PLIN4: variants seen among roughly 807,000 people sequenced by gnomAD.
The protein encoded by PLIN4 is perilipin-4.
A neutral mutation model predicts 52.4 loss-of-function variants in PLIN4; 57 were observed. The ratio of observed to expected loss-of-function variants is 1.09; its 90% CI spans 0.88 to 1.36. The LOEUF is 1.36. PLIN4 is among the 40% of genes most tolerant of loss of function. The pLI, the probability that PLIN4 is intolerant of heterozygous loss-of-function variation, is 0.00. For missense variants in PLIN4, 1,757 were observed against 1,770.3 expected (o/e 0.99, Z 0.13); for synonymous variants, 826 against 785.4 (o/e 1.05, Z -0.86).
At chr19:4,509,939 C>T (rs1411563794) in intron 5 of PLIN4, among the ~76,000 whole-genome samples, 1 of 151,872 alleles carries the variant, frequency 6.6e-6, no homozygotes, top group East Asian at 1.9e-4. Context: ...GGGCCAGGTG[C>T]TCTCACGTGT....
In PLIN4 at chr19:4,504,652, C is replaced by T. The variant is rs1976032376; in HGVS notation, c.3923G>A (p.Ser1308Asn). The change falls in exon 8 of 8, where the codon AGC becomes AAC. Residue 1308 changes from serine (S) to asparagine (N), a missense_variant. By Grantham distance (46) the Ser-to-Asn change is conservative. Around this residue, in one of 7 missense-constraint regions of PLIN4, gnomAD observed 712 missense variants for 637.1 expected, o/e 1.12. Transcript: ENST00000301286. ...LQQPVGRARHSLCELYGIVAS... is the reference protein window; with the variant it reads ...LQQPVGRARHNLCELYGIVAS... The stretch of plus-strand genomic sequence containing the variant: ...CACGATGCCATAGAGCTCACAGAGG[C>T]TGTGCCGCGCCCGCCCCACTGGCTG... 6.2e-7 allele frequency: 1 copy of T among 1,603,114 alleles called. No homozygotes were observed. Among genetic ancestry groups the T allele is most frequent in the African/African-American group, 1.3e-5 (1 of 74,966 alleles).
In PLIN4 at chr19:4,512,161, G is replaced by A. The variant is rs200078542; in HGVS notation, c.1799C>T (p.Thr600Ile). The change falls in exon 5 of 8, where the codon ACA (threonine) becomes ATA (isoleucine). Residue 600 changes from threonine (T) to isoleucine (I), a missense_variant. Thr to Ile is a moderately conservative substitution (Grantham distance 89, BLOSUM62 -1). This residue lies in a region of PLIN4 where 439 missense variants were observed against 406.4 expected (regional missense o/e 1.08). Transcript: ENST00000301286. ...TGCCCCCACGAGCCCAGTAGTCACT[G>A]TGTCCTTGGTGCCGGTCAGCACGGT... ...AKTVLTGTKDTVTTGLVGAVN... is the reference protein window; with the variant it reads ...AKTVLTGTKDIVTTGLVGAVN... The A allele has an allele frequency of 4.5e-5, 72 of 1,610,912 alleles. No individual in the cohort carries two copies. The highest frequency in any genetic ancestry group is 5.8e-5 in the Non-Finnish European group (68 of 1,179,316).
chr19:4,518,461 A>G lies in PLIN4; in HGVS notation c.-94T>C. 8.2e-7 allele frequency: 1 copy of G among 1,221,762 alleles called. No homozygotes were observed. The highest frequency in any genetic ancestry group is 1.0e-6 in the Non-Finnish European group (1 of 982,080). The allele number at this position is 1,221,762 out of a possible 1,614,324, so 75.7% of individuals were successfully genotyped here. A position where few individuals can be genotyped will look rare whatever the true frequency, so the allele number is the denominator to read the frequency against. ...ACCTGGACTGCGCGGGGTCCCCTGGAGGACGGACCGGCCCGGCTGGCAGCT... is the reference window on the plus strand; with the variant it reads ...ACCTGGACTGCGCGGGGTCCCCTGGGGGACGGACCGGCCCGGCTGGCAGCT... On this transcript the variant is annotated 5_prime_UTR_variant, in exon 1 of 8. Coordinates refer to ENST00000301286, the MANE Select transcript of PLIN4 (RefSeq NM_001367868.2).
chr19:4,516,941 CCT>C (rs1437963994), intron 3 of PLIN4, among the ~76,000 whole-genome samples: 2 of 152,206 alleles, frequency 1.3e-5, no homozygotes, highest in African/African-American at 2.4e-5. Flanking sequence ...GGACACCCAC[CCT>C]GAGTCCCGGG....
rs750754946 is a variant in PLIN4, at chr19:4,513,337, C to G, written c.623G>C (p.Gly208Ala). The G allele has an allele frequency of 6.2e-7, 1 of 1,613,662 alleles. No homozygotes were observed. Residue 208 changes from glycine (G) to alanine (A), a missense_variant, in exon 5 of 8, where the codon GGG (glycine) becomes GCG (alanine). Coordinates refer to ENST00000301286, the MANE Select transcript of PLIN4 (RefSeq NM_001367868.2). The part of the protein sequence containing the change: ...LTGTKDTVTT[G>A]VMGAVNLAKG... ...GGCCAAGTTCACTGCCCCCATGACC[C>G]CAGTAGTCACTGTGTCTTTGGTGCC...
Position 4,508,005 on chromosome 19 carries a change from C to T in PLIN4, c.3702+763G>A, listed in dbSNP as rs935590868. ...TCATGTTGCGTTGGGTCCTTTCCTG[C>T]GTGCGTTGCAGCCCCAGGCCCTGCG... On this transcript the variant is annotated intron_variant, in intron 6 of 7. Transcript: ENST00000301286. Among the ~76,000 whole-genome samples, 11 of 152,164 alleles carry T rather than the reference C, an allele frequency of 7.2e-5. No homozygotes were observed. In the East Asian group the frequency reaches 1.7e-3, roughly 24 times the overall value.
rs1001547646 is a variant in PLIN4 at position 4,503,568 on chromosome 19, C to T, written c.*891G>A. The T allele has an allele frequency of 2.6e-5, 4 of 152,406 alleles. No homozygotes were observed. The highest frequency in any genetic ancestry group is 9.6e-5 in the African/African-American group (4 of 41,458). The allele number at this position is 152,406 out of a possible 1,614,324, so 9.4% of individuals were successfully genotyped here. Reference sequence around the variant, plus strand: ...CCTCTGTGGCTGTTCCCAGCCCTGTCTGATCCCTCCATAGGGCACAGTTCC... The same window carrying T: ...CCTCTGTGGCTGTTCCCAGCCCTGTTTGATCCCTCCATAGGGCACAGTTCC... On this transcript the variant is annotated 3_prime_UTR_variant, in exon 8 of 8. Coordinates refer to ENST00000301286, the MANE Select transcript of PLIN4 (RefSeq NM_001367868.2).
Position 4,513,457 on chromosome 19 carries a change from G to C in PLIN4, c.503C>G (p.Thr168Ser). ...GAGCCCAGTGGACACCGTGTCCTTG[G>C]TGCCGGTGAGGACAGCCTTCGAGGT... ...LDTSKAVLTG[T>S]KDTVSTGLTG... Residue 168 changes from threonine (T) to serine (S), a missense_variant, in exon 5 of 8, where the codon ACC becomes AGC. By Grantham distance (58) the Thr-to-Ser change is moderately conservative. Around this residue, in one of 7 missense-constraint regions of PLIN4, gnomAD observed 332 missense variants for 310.8 expected, o/e 1.07. Transcript: ENST00000301286. The C allele has an allele frequency of 2.5e-6, 4 of 1,613,462 alleles. No homozygotes were observed. The highest frequency in any genetic ancestry group is 2.5e-6 in the Non-Finnish European group (3 of 1,179,894).
intron 6 of PLIN4, among the ~76,000 whole-genome samples, chr19:4,505,905 T>G (rs1976078354): frequency 6.6e-6 from 1 of 151,244 alleles, no homozygotes; most frequent in Non-Finnish European, 1.5e-5. Context: ...CTGCTCTCCT[T>G]GTCTGCTCAG....
chr19:4,506,332 G>A (rs145868007), intron 6 of PLIN4, among the ~76,000 whole-genome samples: 43 of 152,230 alleles, frequency 2.8e-4, no homozygotes, highest in African/African-American at 1.7e-4. Context: ...CGTGCCCTCC[G>A]CTCAGATCAC....
In PLIN4 at chr19:4,504,400, G is replaced by C; in HGVS notation, c.*59C>G. 7.1e-7 allele frequency: 1 copy of C among 1,408,022 alleles called. No homozygotes were observed. The highest frequency in any genetic ancestry group is 9.3e-7 in the Non-Finnish European group (1 of 1,069,852). 87.2% of individuals were successfully genotyped at this position (1,408,022 alleles called of 1,614,324 possible). On this transcript the variant is annotated 3_prime_UTR_variant, in exon 8 of 8. Coordinates refer to ENST00000301286, the MANE Select transcript of PLIN4 (RefSeq NM_001367868.2). ...TTTGGGGGCGGGGAGAAAGTTCTGA[G>C]GCAGCTCCTCCCTGGACAGAGCAGG... is the stretch of plus-strand genomic sequence containing the variant.
intron 3 of PLIN4, among the ~76,000 whole-genome samples, chr19:4,517,221 C>G (rs1464952764): frequency 6.6e-6 from 1 of 152,146 alleles, no homozygotes; most frequent in Non-Finnish European, 1.5e-5. Context: ...CCCTGGGAGT[C>G]TGGATCTCAC....
chr19:4,507,216 G>A lies in PLIN4; in HGVS notation c.3702+1552C>T, dbSNP rs1399377550. On this transcript the variant is annotated intron_variant, in intron 6 of 7. Coordinates refer to ENST00000301286, the MANE Select transcript of PLIN4 (RefSeq NM_001367868.2). Reference sequence around the variant, plus strand: ...AGGCTGCACGCCAGGAATCCTGACCGAGGGCGGCATCTCAAGGTTTCTCAC... The same window carrying A: ...AGGCTGCACGCCAGGAATCCTGACCAAGGGCGGCATCTCAAGGTTTCTCAC... Among the ~76,000 whole-genome samples, 4 of 152,370 alleles carry A rather than the reference G, an allele frequency of 2.6e-5. No individual in the cohort carries two copies. In the Middle Eastern group the frequency reaches 0.01, roughly 389 times the overall value.
rs1227494703 is a variant in PLIN4, at chr19:4,502,201, GA to G, written c.*2257del. 2 of 670,446 alleles carry G rather than the reference GA, an allele frequency of 3.0e-6. No homozygotes were observed. Among genetic ancestry groups the G allele is most frequent in the Admixed American group, 2.5e-5 (1 of 39,976 alleles). The allele number at this position is 670,446 out of a possible 1,614,324, so 41.5% of individuals were successfully genotyped here. On this transcript the variant is annotated 3_prime_UTR_variant, in exon 8 of 8. Coordinates refer to ENST00000301286, the MANE Select transcript of PLIN4 (RefSeq NM_001367868.2). ...AAATGACTATAAATGGTTTTTTAAT[GA>G]AAAAAGAAATCACTTTTATTGGCTT...
rs1278242188 is a variant in PLIN4 at position 4,513,689 on chromosome 19, C to T, written c.271G>A (p.Ala91Thr). 6.3e-7 allele frequency: 1 copy of T among 1,576,910 alleles called. No individual in the cohort carries two copies. ...LQPSEKMVSG[A>T]KDLVCSKMSR... ...ATCTTGGAACACACCAGGTCTTTGG[C>T]CCCGGACACCATCTGCTGAGAAAGG... The change falls in exon 5 of 8, where the codon GCC becomes ACC. Residue 91 changes from alanine (A) to threonine (T), a missense_variant. Physicochemically the swap from Ala to Thr is moderately conservative, Grantham distance 58 (BLOSUM62 0). Around this residue, in one of 7 missense-constraint regions of PLIN4, gnomAD observed 332 missense variants for 310.8 expected, o/e 1.07. Transcript: ENST00000301286.
chr19:4,508,920 G>C lies in PLIN4; in HGVS notation c.3550C>G (p.Leu1184Val), dbSNP rs374955660. The C allele has an allele frequency of 4.3e-6, 7 of 1,612,808 alleles. No individual in the cohort carries two copies. The African/African-American group carries it at 8.0e-5, about 18-fold the overall frequency. Residue 1184 changes from leucine to valine, a missense_variant, in exon 6 of 8, where the codon CTG becomes GTG. By Grantham distance (32) the Leu-to-Val change is conservative. Coordinates refer to ENST00000301286, the MANE Select transcript of PLIN4 (RefSeq NM_001367868.2). Reference sequence around the variant, plus strand: ...AAGTAGCTCCCCTGTTCCGCCGACAGCACCTTTGGCCCAGGCTGGGAGGCA... The same window carrying C: ...AAGTAGCTCCCCTGTTCCGCCGACACCACCTTTGGCCCAGGCTGGGAGGCA... ...LAASQPGPKV[L>V]SAEQGSYFVR... is the part of the protein sequence containing the mutation.
intron 4 of PLIN4, among the ~76,000 whole-genome samples, chr19:4,514,741 A>G (rs550883306): frequency 6.6e-6 from 1 of 151,330 alleles, no homozygotes; most frequent in East Asian, 2.0e-4. Context: ...TAATAATGAT[A>G]ATGATAATAA....
rs752303912 is a variant in PLIN4 at position 4,504,554 on chromosome 19, A to G, written c.4021T>C (p.Trp1341Arg). The change falls in exon 8 of 8, where the codon TGG becomes CGG. Residue 1341 changes from tryptophan (W) to arginine (R), a missense_variant. Physicochemically the swap from Trp to Arg is moderately radical, Grantham distance 101 (BLOSUM62 -3). Around this residue, in one of 7 missense-constraint regions of PLIN4, gnomAD observed 712 missense variants for 637.1 expected, o/e 1.12. Coordinates refer to ENST00000301286, the MANE Select transcript of PLIN4 (RefSeq NM_001367868.2). ...VQSREGVHQA[W>R]QGLEQLLEGL... Reference sequence around the variant, plus strand: ...TCCAGCAGCTGCTCTAACCCCTGCCAAGCCTGGTGCACACCCTCGCGGCTC... The same window carrying G: ...TCCAGCAGCTGCTCTAACCCCTGCCGAGCCTGGTGCACACCCTCGCGGCTC... 3 of 1,605,892 alleles carry G rather than the reference A, an allele frequency of 1.9e-6. No individual in the cohort carries two copies. Among genetic ancestry groups the G allele is most frequent in the African/African-American group, 2.7e-5 (2 of 74,786 alleles).
rs1451546374 is a variant in PLIN4 at position 4,504,304 on chromosome 19, G to T, written c.*155C>A. ...GGGTGGCTCAGTTAAGAAGGTCACT[G>T]CCTCCGCAGCCCCTCGGCGCTCAGC... is the stretch of plus-strand genomic sequence containing the variant. On this transcript the variant is annotated 3_prime_UTR_variant, in exon 8 of 8. Coordinates refer to ENST00000301286, the MANE Select transcript of PLIN4 (RefSeq NM_001367868.2). The T allele has an allele frequency of 4.0e-6, 3 of 751,084 alleles. No homozygotes were observed. The highest frequency in any genetic ancestry group is 6.1e-6 in the Non-Finnish European group (3 of 487,970). 46.5% of individuals were successfully genotyped at this position (751,084 alleles called of 1,614,324 possible). A position where few individuals can be genotyped will look rare whatever the true frequency, so the allele number is the denominator to read the frequency against.
Sources: allele counts gnomAD v4.1 joint callset (sites outside exome capture counted in the v4.1 genomes callset), GRCh38; gene constraint gnomAD v4.1.1; regional missense constraint gnomAD v4.1.1; transcripts MANE v1.5; gene names NCBI Gene and HGNC (gene_info 2026-07-23, HGNC 2026-07-21).